MDN1: variants seen among roughly 807,000 people sequenced by gnomAD.
The protein encoded by MDN1 is midasin AAA ATPase 1.
MDN1 carries 266 observed loss-of-function variants against 669.2 expected under a neutral mutation model. The ratio of observed to expected loss-of-function variants is 0.40; its 90% CI spans 0.36 to 0.44. MDN1 has a LOEUF of 0.44. Ranked by LOEUF, MDN1 falls within the 20% of genes least tolerant of loss-of-function variation. The probability of loss-of-function intolerance (pLI) is 1.00; values close to 1 mark genes in which losing one functional copy is unlikely to be tolerated. For missense variants in MDN1, 5,940 were observed against 6,754.0 expected (o/e 0.88, Z 4.22); for synonymous variants, 2,385 against 2,457.1 (o/e 0.97, Z 0.87).
In MDN1 at chr6:89,693,107, C is replaced by A. The variant is rs1351432611; in HGVS notation, c.9923G>T (p.Cys3308Phe). The A allele has an allele frequency of 6.2e-7, 1 of 1,609,914 alleles. No individual in the cohort carries two copies. Among genetic ancestry groups the A allele is most frequent in the South Asian group, 1.1e-5 (1 of 90,412 alleles). The change falls in exon 63 of 102, where the codon TGT becomes TTT. Residue 3308 changes from cysteine to phenylalanine, a missense_variant. Coordinates refer to ENST00000369393, the MANE Select transcript of MDN1 (RefSeq NM_014611.3). Reference sequence around the variant, plus strand: ...AAAGGCCTGTTTCTTCAACAGGTGACAGGTTAAATTATCCAGCCGATCCAT... The same window carrying A: ...AAAGGCCTGTTTCTTCAACAGGTGAAAGGTTAAATTATCCAGCCGATCCAT... ...QRMDRLDNLT[C>F]HLLKKQAFRP... is the part of the protein sequence containing the mutation.
At position 89,692,832 on chromosome 6, in the gene MDN1, G is replaced by C. The variant is rs1812467704; in HGVS notation, c.10198C>G (p.Leu3400Val). The C allele has an allele frequency of 1.2e-6, 2 of 1,614,264 alleles. No individual in the cohort carries two copies. The highest frequency in any genetic ancestry group is 2.7e-5 in the African/African-American group (2 of 75,074). Residue 3400 changes from leucine to valine, a missense_variant, in exon 63 of 102, where the codon CTG (leucine) becomes GTG (valine). By Grantham distance (32) the Leu-to-Val change is conservative. Coordinates refer to ENST00000369393, the MANE Select transcript of MDN1 (RefSeq NM_014611.3). ...YTFYPDAVSP[L>V]QASILQLQHG... is the part of the protein sequence containing the mutation. Reference sequence around the variant, plus strand: ...TGTAACTGCAATATGGATGCCTGCAGTGGGCTCACGGCATCTGGATAGAAG... The same window carrying C: ...TGTAACTGCAATATGGATGCCTGCACTGGGCTCACGGCATCTGGATAGAAG...
chr6:89,808,350 C>G (rs1562241241), intron 1 of MDN1, among the ~76,000 whole-genome samples: 1 of 152,062 alleles, frequency 6.6e-6, no homozygotes, highest in Admixed American at 6.6e-5. Flanking sequence ...TTGATCCTTT[C>G]AAGACTTGTT....
intron 15 of MDN1, among the ~76,000 whole-genome samples, chr6:89,763,477 A>C (rs927708934): frequency 1.3e-5 from 2 of 152,132 alleles, no homozygotes; most frequent in Non-Finnish European, 2.9e-5. Context: ...AAATTAACTT[A>C]AATTTGAATA....
intron 77 of MDN1, 125 bp downstream of exon 77, chr6:89,675,977 C>G: frequency 1.3e-6 from 1 of 769,856 alleles, no homozygotes; most frequent in South Asian, 1.7e-5. Flanking sequence ...TAAGGATGTA[C>G]TGCAAAAAGC....
In MDN1 at chr6:89,789,796, T is replaced by C. The variant is rs754203037; in HGVS notation, c.1214A>G (p.Tyr405Cys). ...GHWILLEDID[Y>C]APLDVVSVLI... is the part of the protein sequence containing the mutation. The stretch of plus-strand genomic sequence containing the variant: ...ATGACATACCACGTCTAAGGGGGCA[T>C]AGTCAATATCCTCCAGAAGGATCCA... Residue 405 changes from tyrosine to cysteine, a missense_variant, in exon 7 of 102, where the codon TAT becomes TGT. By Grantham distance (194) the Tyr-to-Cys change is radical. Coordinates refer to ENST00000369393, the MANE Select transcript of MDN1 (RefSeq NM_014611.3). The C allele has an allele frequency of 8.1e-6, 13 of 1,611,532 alleles. No individual in the cohort carries two copies. Among genetic ancestry groups the C allele is most frequent in the Admixed American group, 1.7e-5 (1 of 59,214 alleles).
intron 10 of MDN1, among the ~76,000 whole-genome samples, chr6:89,780,599 A>AGGG (rs1337273493): frequency 1.3e-5 from 2 of 149,930 alleles, no homozygotes; most frequent in African/African-American, 4.9e-5. Context: ...GCAGGAAAGG[A>AGGG]GGGGAGCAAC....
At chr6:89,741,993 C>T (rs956526567) in intron 31 of MDN1, among the ~76,000 whole-genome samples, 2 of 151,922 alleles carry the variant, frequency 1.3e-5, no homozygotes, top group Non-Finnish European at 2.9e-5. Flanking sequence ...CCCAGCTACA[C>T]AGGAGGCTGA....
At position 89,675,482 on chromosome 6, in the gene MDN1, T is replaced by C. The variant is rs1433950678; in HGVS notation, c.12743A>G (p.Glu4248Gly). ...RQRRSLTTLS[E>G]QWIILRNLLS... is the part of the protein sequence containing the mutation. ...CTGATACCTGAGGATGATCCACTGC[T>C]CACTGAGCGTGGTCAGGGAGCGCCG... The change falls in exon 78 of 102, where the codon GAG (glutamate) becomes GGG (glycine). Residue 4248 changes from glutamate to glycine, a missense_variant. Transcript: ENST00000369393. 1 of 1,613,512 alleles carries C rather than the reference T, an allele frequency of 6.2e-7. No individual in the cohort carries two copies. Among genetic ancestry groups the C allele is most frequent in the Non-Finnish European group, 8.5e-7 (1 of 1,179,990 alleles).
Position 89,723,167 on chromosome 6 carries a change from G to A in MDN1, c.5779-24C>T, listed in dbSNP as rs1814962551. The A allele has an allele frequency of 1.9e-6, 3 of 1,607,472 alleles. No homozygotes were observed. In the East Asian group the frequency reaches 6.7e-5, roughly 36 times the overall value. On this transcript the variant is annotated intron_variant, in intron 39 of 101. Transcript: ENST00000369393. Reference sequence around the variant, plus strand: ...ATCTAGAAAGAAAACATCCTGATTGGGAAACATGCCCTGCTTACTACTAGG... The same window carrying A: ...ATCTAGAAAGAAAACATCCTGATTGAGAAACATGCCCTGCTTACTACTAGG...
At chr6:89,760,509 G>A (rs1315627610) in intron 17 of MDN1, among the ~76,000 whole-genome samples, 3 of 151,888 alleles carry the variant, frequency 2.0e-5, no homozygotes, top group Non-Finnish European at 2.9e-5. Context: ...ACAATATGTC[G>A]AAGGGATGTC....
chr6:89,725,140 ATAG>A (rs1815132632), intron 38 of MDN1, 56 bp downstream of exon 38: 3 of 1,476,420 alleles, frequency 2.0e-6, no homozygotes, highest in African/African-American at 1.4e-5. Flanking sequence ...AGGCTTCATA[ATAG>A]TAGTCTTATC....
At chr6:89,682,828 G>A (rs1811736463) in intron 73 of MDN1, among the ~76,000 whole-genome samples, 1 of 149,786 alleles carries the variant, frequency 6.7e-6, no homozygotes, top group South Asian at 2.1e-4. Context: ...TGTGCCTGTG[G>A]TCCCAGCACT....
At chr6:89,734,039 C>CT (rs1320080049) in intron 33 of MDN1, among the ~76,000 whole-genome samples, 1 of 152,110 alleles carries the variant, frequency 6.6e-6, no homozygotes, top group Non-Finnish European at 1.5e-5. Flanking sequence ...AATACCAGCA[C>CT]TTTGAGAGGC....
intron 33 of MDN1, among the ~76,000 whole-genome samples, chr6:89,737,746 T>C (rs1388065910): frequency 7.0e-6 from 1 of 143,226 alleles, no homozygotes; most frequent in Non-Finnish European, 1.5e-5. Context: ...TTTTTTGAGA[T>C]GGAGTCTGGC....
chr6:89,787,657 T>TGGG (rs1562219175), intron 8 of MDN1, among the ~76,000 whole-genome samples, 197 bp downstream of exon 8: 1 of 149,606 alleles, frequency 6.7e-6, no homozygotes, highest in African/African-American at 2.5e-5. Context: ...TATTTTTAAG[T>TGGG]CGGGGGGGGG....
Position 89,751,502 on chromosome 6 carries a change from T to C in MDN1, c.3156A>G (p.Ile1052Met), listed in dbSNP as rs746577393. ...WIAVGDKEPTIDETYILTSSV... is the reference protein window; with the variant it reads ...WIAVGDKEPTMDETYILTSSV... ...AAGATGTCAGAATGTACGTCTCATC[T>C]ATTGTAGGCTCCTTGTCTCCCACCG... The change falls in exon 23 of 102, where the codon ATA becomes ATG. Residue 1052 changes from isoleucine to methionine, a missense_variant. By Grantham distance (10) the Ile-to-Met change is conservative (BLOSUM62 1). Transcript: ENST00000369393. 45 of 1,614,196 alleles carry C rather than the reference T, an allele frequency of 2.8e-5. No individual in the cohort carries two copies. The South Asian group carries it at 4.9e-4, about 18-fold the overall frequency.
Position 89,674,505 on chromosome 6 carries a change from G to T in MDN1, c.12846C>A (p.Gly4282=), listed in dbSNP as rs374759478. 5 of 1,610,794 alleles carry T rather than the reference G, an allele frequency of 3.1e-6. No individual in the cohort carries two copies. The East Asian group carries it at 8.9e-5, about 29-fold the overall frequency. Residue 4282 remains glycine, a synonymous_variant, in exon 79 of 102, where the codon GGC becomes GGA. Coordinates refer to ENST00000369393, the MANE Select transcript of MDN1 (RefSeq NM_014611.3). The stretch of plus-strand genomic sequence containing the variant: ...GCAGGCGCTCTGTCCACTGCTGCAC[G>T]CCATCCTGAGGGGGGAAGGCCACGG... ...AYPVAFPPQD[G]VQQWTERLQH... is the part of the protein sequence containing the mutation.
At position 89,719,158 on chromosome 6, in the gene MDN1, C is replaced by T. The variant is rs370638828; in HGVS notation, c.6035G>A (p.Arg2012His). The part of the protein sequence containing the change: ...SNPYMGTRLF[R>H]ITPYDVQLGY... ...TACCTGAACATCATAGGGAGTGATACGAAATAGTCTGGTTCCCATGTATGG... is the reference window on the plus strand; with the variant it reads ...TACCTGAACATCATAGGGAGTGATATGAAATAGTCTGGTTCCCATGTATGG... The change falls in exon 41 of 102, where the codon CGT becomes CAT. Residue 2012 changes from arginine (R) to histidine (H), a missense_variant. By Grantham distance (29) the Arg-to-His change is conservative. Transcript: ENST00000369393. The T allele has an allele frequency of 1.2e-5, 19 of 1,613,504 alleles. No individual in the cohort carries two copies. The highest frequency in any genetic ancestry group is 1.6e-5 in the Non-Finnish European group (19 of 1,179,588).
chr6:89,803,670 C>T lies in MDN1; in HGVS notation c.103-116G>A, dbSNP rs1052087823. ...AATCTCAGCTCACTGCAAGCTCCACCTCCCGGGTTCATGCCATTCTCCTGC... is the reference window on the plus strand; with the variant it reads ...AATCTCAGCTCACTGCAAGCTCCACTTCCCGGGTTCATGCCATTCTCCTGC... On this transcript the variant is annotated intron_variant, in intron 1 of 101. Transcript: ENST00000369393. 3.4e-5 allele frequency: 26 copies of T among 755,892 alleles called. No individual in the cohort carries two copies. In the Admixed American group the frequency reaches 6.7e-4, roughly 20 times the overall value. The allele number at this position is 755,892 out of a possible 1,614,324, so 46.8% of individuals were successfully genotyped here. A position where few individuals can be genotyped will look rare whatever the true frequency, so the allele number is the denominator to read the frequency against.
Sources: allele counts gnomAD v4.1 joint callset (sites outside exome capture counted in the v4.1 genomes callset), GRCh38; gene constraint gnomAD v4.1.1; transcripts MANE v1.5; gene names NCBI Gene and HGNC (gene_info 2026-07-23, HGNC 2026-07-21).